ITGB1: variants seen among roughly 807,000 people sequenced by gnomAD.
The protein encoded by ITGB1 is integrin subunit beta 1.
In ITGB1, 24 loss-of-function variants were observed where a neutral mutation model predicts 86.5. The ratio of observed to expected loss-of-function variants is 0.28; its 90% CI spans 0.20 to 0.39. The LOEUF is 0.39. ITGB1 is among the 10% of genes least tolerant of loss of function. The pLI is 1.00. For synonymous variants in ITGB1, 323 were observed against 316.8 expected (o/e 1.02, Z -0.21); for missense variants, 556 against 946.9 (o/e 0.59, Z 5.42).
chr10:32,945,100 G>A (rs1046970235), intron 1 of ITGB1: 3 of 406,772 alleles, frequency 7.4e-6, no homozygotes, highest in African/African-American at 6.2e-5. Context: ...TGAATTCTTT[G>A]AAAGTTATAT....
Position 32,938,232 on chromosome 10 carries a change from C to T in ITGB1, c.1-2674G>A, listed in dbSNP as rs1407201674. Among the ~76,000 whole-genome samples, 4 of 152,140 alleles carry T rather than the reference C, an allele frequency of 2.6e-5. No individual in the cohort carries two copies. The East Asian group carries it at 5.8e-4, about 22-fold the overall frequency. On this transcript the variant is annotated intron_variant, in intron 1 of 15. Transcript: ENST00000302278. Reference sequence around the variant, plus strand: ...CTAAGCAAGTCAAATAATGTTATCACGATTCCAAAGCTATGACAACAGACA... The same window carrying T: ...CTAAGCAAGTCAAATAATGTTATCATGATTCCAAAGCTATGACAACAGACA...
At chr10:32,907,027 C>A (rs1565817969) in intron 15 of ITGB1, 1 of 1,078,820 alleles carries the variant, frequency 9.3e-7, no homozygotes, top group Non-Finnish European at 1.3e-6. Flanking sequence ...GATAGAAGTT[C>A]ACATGCAAAG....
intron 1 of ITGB1, among the ~76,000 whole-genome samples, chr10:32,952,582 C>T (rs548374436): frequency 2.0e-4 from 30 of 152,146 alleles, no homozygotes; most frequent in African/African-American, 7.0e-4. Context: ...TCATAGATTA[C>T]GAAAGCTTAA....
At chr10:32,949,204 T>G (rs1373579106) in intron 1 of ITGB1, among the ~76,000 whole-genome samples, 1 of 152,140 alleles carries the variant, frequency 6.6e-6, no homozygotes, top group Non-Finnish European at 1.5e-5. Flanking sequence ...AGGTGAAGAA[T>G]AATAGTGTCT....
chr10:32,931,802 T>C (rs186908164), intron 3 of ITGB1, among the ~76,000 whole-genome samples: 93 of 152,300 alleles, frequency 6.1e-4, no homozygotes, highest in African/African-American at 2.1e-3. Context: ...TTATTCATTC[T>C]GTGAATAAAC....
At chr10:32,909,059 G>A (rs1293467535) in intron 14 of ITGB1, among the ~76,000 whole-genome samples, 2 of 152,150 alleles carry the variant, frequency 1.3e-5, no homozygotes, top group Admixed American at 1.3e-4. Flanking sequence ...ATGGAAGGCA[G>A]GGAACTAAGG....
chr10:32,939,846 A>G (rs979856206), intron 1 of ITGB1, among the ~76,000 whole-genome samples: 1 of 152,180 alleles, frequency 6.6e-6, no homozygotes, highest in African/African-American at 2.4e-5. Flanking sequence ...TACTGTGGAC[A>G]CAAATACACA....
intron 1 of ITGB1, among the ~76,000 whole-genome samples, chr10:32,951,424 C>T (rs1257154376): frequency 6.6e-6 from 1 of 151,900 alleles, no homozygotes; most frequent in African/African-American, 2.4e-5. Context: ...ACCACCAGCC[C>T]CTCCCTGTCC....
intron 1 of ITGB1, chr10:32,944,368 C>G: frequency 4.5e-6 from 1 of 224,696 alleles, no homozygotes; most frequent in Non-Finnish European, 8.8e-6. Flanking sequence ...AGCCCTTGTT[C>G]GGGTGCGGCG....
intron 3 of ITGB1, among the ~76,000 whole-genome samples, chr10:32,932,169 A>G (rs1373456788): frequency 6.6e-6 from 1 of 152,114 alleles, no homozygotes; most frequent in East Asian, 1.9e-4. Flanking sequence ...GTATTTTAAA[A>G]TTGTTTAGTA....
chr10:32,918,465 G>A (rs1056926138), intron 11 of ITGB1, among the ~76,000 whole-genome samples: 2 of 152,078 alleles, frequency 1.3e-5, no homozygotes, highest in African/African-American at 4.8e-5. Flanking sequence ...AGGTGGGAGT[G>A]TCCATGCCAC....
At chr10:32,943,450 C>T (rs2095023763) in intron 1 of ITGB1, among the ~76,000 whole-genome samples, 2 of 150,626 alleles carry the variant, frequency 1.3e-5, no homozygotes, top group African/African-American at 4.9e-5. Context: ...TAAATCTATT[C>T]CCTGGTGTGC....
chr10:32,901,759 A>G, intron 15 of ITGB1, 124 bp from the exon 16 acceptor site: 1 of 632,176 alleles, frequency 1.6e-6, no homozygotes. Flanking sequence ...TTATTTGTCC[A>G]GATATCACAG....
At chr10:32,905,035 AT>A (rs959702734) in intron 15 of ITGB1, among the ~76,000 whole-genome samples, 3 of 123,596 alleles carry the variant, frequency 2.4e-5, no homozygotes, top group African/African-American at 7.5e-5. Context: ...AAAGAAAAAA[AT>A]ATGTATTAAA....
intron 1 of ITGB1, among the ~76,000 whole-genome samples, chr10:32,939,410 T>C (rs558654536): frequency 1.3e-5 from 2 of 152,178 alleles, no homozygotes; most frequent in Non-Finnish European, 2.9e-5. Context: ...CTCTGAGAAA[T>C]GCGAAGGCAA....
chr10:32,918,163 G>A (rs2094937822), intron 11 of ITGB1, among the ~76,000 whole-genome samples: 1 of 152,106 alleles, frequency 6.6e-6, no homozygotes. Flanking sequence ...TTGGACACAG[G>A]GTGGGGAACA....
rs1282515913 is a variant in ITGB1 at position 32,900,500 on chromosome 10, G to T, written c.*1070C>A. ...CTTAAAACAAGAATGTGACTAGTGT[G>T]AAACAAGATGGGCAACTCAAATGGT... On this transcript the variant is annotated 3_prime_UTR_variant, in exon 16 of 16. Transcript: ENST00000302278. The T allele has an allele frequency of 6.6e-6, 1 of 150,668 alleles. No homozygotes were observed. Among genetic ancestry groups the T allele is most frequent in the Non-Finnish European group, 1.5e-5 (1 of 67,524 alleles). 9.3% of individuals were successfully genotyped at this position (150,668 alleles called of 1,614,324 possible).
chr10:32,913,373 G>C (rs1022108457), intron 11 of ITGB1, among the ~76,000 whole-genome samples: 1 of 152,196 alleles, frequency 6.6e-6, no homozygotes, highest in African/African-American at 2.4e-5. Flanking sequence ...ACTTGTCCGA[G>C]CTAAAGGAGG....
At chr10:32,920,129 T>TCTA (rs1565823373) in intron 10 of ITGB1, 45 bp from the exon 11 acceptor site, 2 of 1,571,918 alleles carry the variant, frequency 1.3e-6, no homozygotes, top group South Asian at 2.3e-5. Context: ...ACAATTTAAA[T>TCTA]CTACTAAAAA....
Sources: gnomAD v4.1 joint callset for allele counts (sites outside exome capture counted in the v4.1 genomes callset) on GRCh38, gnomAD v4.1.1 for gene constraint, MANE v1.5 for transcripts, NCBI Gene and HGNC (gene_info 2026-07-23, HGNC 2026-07-21) for gene names.